The following COP1 variants were observed in gnomAD, a reference collection of about 807,000 sequenced individuals.
COP1 encodes the protein COP1 E3 ubiquitin ligase, also known as E3 ubiquitin-protein ligase COP1.
Under a neutral mutation model 101.3 loss-of-function variants are expected in COP1, and 24 were observed. That is an observed-to-expected ratio of 0.24 (90% confidence interval 0.17 to 0.33). The LOEUF (loss-of-function observed/expected upper bound fraction) is 0.33, where lower values mean the gene tolerates loss of function less well. Ranked by LOEUF, COP1 falls within the 10% of genes least tolerant of loss-of-function variation. The pLI is 1.00. For synonymous variants in COP1, 347 were observed against 341.9 expected (o/e 1.01, Z -0.17); for missense variants, 663 against 906.2 (o/e 0.73, Z 3.45).
At chr1:176,003,927 T>C (rs1662426350) in intron 15 of COP1, among the ~76,000 whole-genome samples, 1 of 152,108 alleles carries the variant, frequency 6.6e-6, no homozygotes, top group Non-Finnish European at 1.5e-5. Flanking sequence ...ATTGAATCTG[T>C]AAATTACCCT....
intron 9 of COP1, among the ~76,000 whole-genome samples, chr1:176,099,139 G>T (rs1214574812): frequency 6.6e-6 from 1 of 151,876 alleles, no homozygotes; most frequent in Non-Finnish European, 1.5e-5. Context: ...TGGACATTTT[G>T]TTATTCACAG....
chr1:175,995,945 A>G (rs1660044774), intron 15 of COP1, among the ~76,000 whole-genome samples: 1 of 152,140 alleles, frequency 6.6e-6, no homozygotes, highest in Non-Finnish European at 1.5e-5. Flanking sequence ...ACACAACCAA[A>G]AAAGAGAATT....
At position 175,967,596 on chromosome 1, in the gene COP1, A is replaced by G. The variant is rs116838130; in HGVS notation, c.2133+19347T>C. ...GAGCAACCTCTCCCCACAACTTAAC[A>G]GCAAAACACACAACAGGAAAAACCA... On this transcript the variant is annotated intron_variant, in intron 18 of 19. Transcript: ENST00000367669. 7.9e-3 allele frequency among the ~76,000 whole-genome samples: 1,200 copies of G among 152,354 alleles called. 9 individuals are homozygous for G. The highest frequency in any genetic ancestry group is 0.011 in the Non-Finnish European group (756 of 68,036).
chr1:176,105,456 C>G (rs1572261395), intron 9 of COP1, among the ~76,000 whole-genome samples: 4 of 152,054 alleles, frequency 2.6e-5, no homozygotes, highest in Non-Finnish European at 4.4e-5. Context: ...AGAAATATCT[C>G]TAGTTACATT....
At chr1:175,962,908 T>C (rs1051339080) in intron 18 of COP1, among the ~76,000 whole-genome samples, 2 of 152,232 alleles carry the variant, frequency 1.3e-5, no homozygotes, top group Admixed American at 1.3e-4. Context: ...TTAATGATTA[T>C]ATCCGCAAAC....
intron 9 of COP1, among the ~76,000 whole-genome samples, chr1:176,108,226 A>G (rs1002097054): frequency 2.6e-5 from 4 of 152,236 alleles, no homozygotes; most frequent in African/African-American, 9.6e-5. Context: ...ATAACTCTAT[A>G]AAGTTCATAC....
At chr1:176,162,402 T>C (rs962645034) in intron 5 of COP1, among the ~76,000 whole-genome samples, 1 of 152,210 alleles carries the variant, frequency 6.6e-6, no homozygotes, top group Non-Finnish European at 1.5e-5. Flanking sequence ...TTAAATAAGA[T>C]ATATTTAGTA....
chr1:176,207,085 C>T lies in COP1; in HGVS notation c.-107G>A. ...CTCAGTGCATCCTGAGGACGCCCGC[C>T]GAGCCGGAGGTGGGGCTGAGGAACA... On this transcript the variant is annotated 5_prime_UTR_variant, in exon 1 of 20. Coordinates refer to ENST00000367669, the MANE Select transcript of COP1 (RefSeq NM_022457.7). 1.1e-6 allele frequency: 1 copy of T among 931,640 alleles called. No homozygotes were observed. The highest frequency in any genetic ancestry group is 1.4e-6 in the Non-Finnish European group (1 of 691,288). The allele number at this position is 931,640 out of a possible 1,614,324, so 57.7% of individuals were successfully genotyped here.
chr1:176,142,911 A>G (rs532266705), intron 6 of COP1, among the ~76,000 whole-genome samples: 1 of 152,184 alleles, frequency 6.6e-6, no homozygotes, highest in East Asian at 1.9e-4. Context: ...AGAAAAAATA[A>G]TCTGCATAAT....
intron 1 of COP1, among the ~76,000 whole-genome samples, chr1:176,203,355 T>G (rs1700485884): frequency 6.6e-6 from 1 of 152,040 alleles, no homozygotes; most frequent in Non-Finnish European, 1.5e-5. Flanking sequence ...AGAAAAAAAG[T>G]CAACCTTCTC....
At chr1:176,140,600 A>C (rs527291133) in intron 6 of COP1, among the ~76,000 whole-genome samples, 1 of 152,332 alleles carries the variant, frequency 6.6e-6, no homozygotes, top group South Asian at 2.1e-4. Flanking sequence ...TGTGGAAAGA[A>C]GAAATGGGCT....
chr1:175,997,853 G>T (rs1660564508), intron 15 of COP1, among the ~76,000 whole-genome samples: 2 of 151,884 alleles, frequency 1.3e-5, no homozygotes, highest in Admixed American at 6.6e-5. Flanking sequence ...ATTCCTCAGG[G>T]ATCTAGAACT....
intron 11 of COP1, among the ~76,000 whole-genome samples, chr1:176,057,590 G>A (rs1673817985): frequency 6.6e-6 from 1 of 152,196 alleles, no homozygotes; most frequent in Non-Finnish European, 1.5e-5. Flanking sequence ...GCCAGCCTCG[G>A]CCTCCCGAGG....
At chr1:176,151,221 A>G (rs540398106) in intron 5 of COP1, among the ~76,000 whole-genome samples, 1 of 151,644 alleles carries the variant, frequency 6.6e-6, no homozygotes, top group Non-Finnish European at 1.5e-5. Context: ...TGTAAGAAAA[A>G]GAATAAAGAG....
intron 6 of COP1, 29 bp downstream of exon 6, chr1:176,148,977 C>T: frequency 7.2e-7 from 1 of 1,384,104 alleles, no homozygotes; most frequent in Admixed American, 2.1e-5. Context: ...GTAAATAAAA[C>T]ATTATGTAAA....
intron 6 of COP1, among the ~76,000 whole-genome samples, chr1:176,140,273 G>A (rs982782046): frequency 3.9e-5 from 6 of 152,118 alleles, no homozygotes; most frequent in African/African-American, 1.4e-4. Context: ...TTCAAAAACA[G>A]CAATTTCATA....
At chr1:176,176,592 G>A (rs1228555484) in intron 2 of COP1, among the ~76,000 whole-genome samples, 2 of 152,112 alleles carry the variant, frequency 1.3e-5, no homozygotes, top group Non-Finnish European at 2.9e-5. Context: ...GCAGAGGCAG[G>A]AAGATCACTT....
At chr1:176,108,527 G>A (rs753985650) in intron 9 of COP1, among the ~76,000 whole-genome samples, 3 of 151,904 alleles carry the variant, frequency 2.0e-5, no homozygotes, top group Non-Finnish European at 4.4e-5. Context: ...CTTCCTGGAC[G>A]ACTATCAACT....
chr1:176,145,420 A>G (rs1691425046), intron 6 of COP1, among the ~76,000 whole-genome samples: 1 of 152,130 alleles, frequency 6.6e-6, no homozygotes, highest in East Asian at 1.9e-4. Flanking sequence ...AATAACTAAT[A>G]CAACTTGTTT....
Sources: allele counts gnomAD v4.1 joint callset (sites outside exome capture counted in the v4.1 genomes callset), GRCh38; gene constraint gnomAD v4.1.1; transcripts MANE v1.5; gene names NCBI Gene and HGNC (gene_info 2026-07-23, HGNC 2026-07-21).